Variants in AMPD2 observed in about 807,000 individuals in gnomAD.
The protein encoded by AMPD2 is adenosine monophosphate deaminase 2.
Under a neutral mutation model 91.3 loss-of-function variants are expected in AMPD2, and 52 were observed. That is an observed-to-expected ratio of 0.57 (90% CI 0.46 to 0.72). The LOEUF (loss-of-function observed/expected upper bound fraction) is 0.72. AMPD2 is among the 30% of genes least tolerant of loss of function. The pLI, the probability that AMPD2 is intolerant of heterozygous loss-of-function variation, is 0.00. For missense variants in AMPD2, 822 were observed against 1,122.3 expected (o/e 0.73, Z 3.82); for synonymous variants, 455 against 456.4 (o/e 1.00, Z 0.04).
intron 13 of AMPD2, 79 bp from the exon 14 acceptor site, chr1:109,629,030 G>A: frequency 6.3e-7 from 1 of 1,578,336 alleles, no homozygotes; most frequent in Non-Finnish European, 8.6e-7. Context: ...CTTGGGCCAA[G>A]CTCTGACCCT....
Position 109,629,169 on chromosome 1 carries a change from C to T in AMPD2, c.1632C>T (p.Phe544=). The part of the protein sequence containing the change: ...ANFQEMLENI[F]LPLFEATVHP... Reference sequence around the variant, plus strand: ...TCCAGGAGATGCTGGAGAACATCTTCCTGCCACTGTTCGAGGCCACTGTGC... The same window carrying T: ...TCCAGGAGATGCTGGAGAACATCTTTCTGCCACTGTTCGAGGCCACTGTGC... The change falls in exon 14 of 19, where the codon TTC becomes TTT. Residue 544 remains phenylalanine (F), a synonymous_variant. Coordinates refer to ENST00000528667, the MANE Select transcript of AMPD2 (RefSeq NM_001368809.2). The T allele has an allele frequency of 6.2e-7, 1 of 1,614,176 alleles. No homozygotes were observed. Among genetic ancestry groups the T allele is most frequent in the Non-Finnish European group, 8.5e-7 (1 of 1,180,040 alleles).
At chr1:109,621,439 T>TGGGGGGGTGGGGGGGGGGG in intron 2 of AMPD2, 173 bp downstream of exon 2, 1 of 121,628 alleles carries the variant, frequency 8.2e-6, no homozygotes, top group East Asian at 3.0e-4. Context: ...TGAGGGGTGG[T>TGGGGGGGTGGGGGGGGGGG]GGGGGGCGGG....
At position 109,625,520 on chromosome 1, in the gene AMPD2, C is replaced by T. The variant is rs779583754; in HGVS notation, c.222+87C>T. 67 of 1,601,958 alleles carry T rather than the reference C, an allele frequency of 4.2e-5. No individual in the cohort carries two copies. The highest frequency in any genetic ancestry group is 5.6e-5 in the Non-Finnish European group (66 of 1,172,504). ...CACCCCTCACCTCAAGCTGTCCCCT[C>T]ACCTCACGCTTGGCTGTCTCCTGAT... On this transcript the variant is annotated intron_variant, in intron 3 of 18. Transcript: ENST00000528667. This position sits in a 1 kb window ranked among gnomAD's most constrained non-coding sequence, Gnocchi z 4.0.
rs1650837078 is a variant in AMPD2, at chr1:109,627,867, G to A, written c.1044G>A (p.Lys348=). 6.2e-7 allele frequency: 1 copy of A among 1,613,858 alleles called. No individual in the cohort carries two copies. Residue 348 remains lysine (K), a synonymous_variant, in exon 10 of 19, where the codon AAG becomes AAA. Transcript: ENST00000528667. ...AGATGAAGGAGCTGGCCGCCCAGAA[G>A]AAAGTGCCACACCGAGATTTCTACA... The part of the protein sequence containing the change: ...LNEMKELAAQ[K]KVPHRDFYNI...
chr1:109,627,458 AC>A lies in AMPD2; in HGVS notation c.892del (p.Leu298CysfsTer11), dbSNP rs750503070. 6.2e-7 allele frequency: 1 copy of A among 1,613,960 alleles called. No homozygotes were observed. Among genetic ancestry groups the A allele is most frequent in the South Asian group, 1.1e-5 (1 of 91,074 alleles). ...TCAGAGGTGGAGCTGCCATACCCTG[AC>A]CTGCAGGAATTTGTGGCTGACGTCA... is the stretch of plus-strand genomic sequence containing the variant. ...HCSEVELPYP[D>X]LQEFVADVNV... On this transcript the variant is annotated frameshift_variant, in exon 9 of 19. Coordinates refer to ENST00000528667, the MANE Select transcript of AMPD2 (RefSeq NM_001368809.2). LOFTEE classifies it high-confidence loss of function.
Position 109,630,227 on chromosome 1 carries a change from G to C in AMPD2, c.1984-6G>C. On this transcript the variant is annotated splice_region_variant and splice_polypyrimidine_tract_variant and intron_variant, in intron 16 of 18. Transcript: ENST00000528667. ...GACAGGCCCTCCCTCCCTGTTGCCT[G>C]CCCAGGCCCCCGTCCTGCAGTACCT... 1 of 1,611,390 alleles carries C rather than the reference G, an allele frequency of 6.2e-7. No individual in the cohort carries two copies. Among genetic ancestry groups the C allele is most frequent in the Non-Finnish European group, 8.5e-7 (1 of 1,179,984 alleles).
At chr1:109,620,559 A>G in intron 1 of AMPD2, 1 of 1,258,536 alleles carries the variant, frequency 7.9e-7, no homozygotes, top group South Asian at 2.0e-5. Flanking sequence ...TTCCCGGGAC[A>G]GGCCCCTCCC....
At chr1:109,622,940 A>G (rs1650381067) in intron 2 of AMPD2, among the ~76,000 whole-genome samples, 2 of 152,098 alleles carry the variant, frequency 1.3e-5, no homozygotes, top group Admixed American at 1.3e-4. Flanking sequence ...TCTGGGGGTG[A>G]GACAGCTTCC....
intron 2 of AMPD2, among the ~76,000 whole-genome samples, chr1:109,621,833 C>T (rs1209050674): frequency 1.3e-5 from 2 of 152,340 alleles, no homozygotes; most frequent in East Asian, 1.9e-4. Context: ...TTGTGAGCCT[C>T]CTTAGGAGTA....
In AMPD2 at chr1:109,628,752, T is replaced by C. The variant is rs550211596; in HGVS notation, c.1517T>C (p.Met506Thr). 1.3e-6 allele frequency: 2 copies of C among 1,591,586 alleles called. No homozygotes were observed. The highest frequency in any genetic ancestry group is 1.8e-5 in the Admixed American group (1 of 56,698). The change falls in exon 13 of 19, where the codon ATG becomes ACG. Residue 506 changes from methionine to threonine, a missense_variant. Met to Thr is a moderately conservative substitution (Grantham distance 81, BLOSUM62 -1). Around this residue, in one of 5 missense-constraint regions of AMPD2, gnomAD observed 430 missense variants for 606.0 expected, o/e 0.71. Coordinates refer to ENST00000528667, the MANE Select transcript of AMPD2 (RefSeq NM_001368809.2). The surrounding 1 kb of genome is among the most constrained non-coding windows in gnomAD (Gnocchi z 7.1). ...EWDKLARWAV[M>T]HRVHSPNVRW... ...GACAAGCTGGCGCGCTGGGCCGTCA[T>C]GCACCGCGTGCACTCCCCCAACGTG...
rs1570582425 is a variant in AMPD2 at position 109,625,202 on chromosome 1, G to A, written c.92-101G>A. On this transcript the variant is annotated intron_variant, in intron 2 of 18. Coordinates refer to ENST00000528667, the MANE Select transcript of AMPD2 (RefSeq NM_001368809.2). This position sits in a 1 kb window ranked among gnomAD's most constrained non-coding sequence, Gnocchi z 4.0. ...CTGAGGAGGGACTGCCCTCTTTCCC[G>A]ACCCTGGGCTCTCTCGGGAGCTGGC... The A allele has an allele frequency of 1.1e-5, 16 of 1,506,070 alleles. No individual in the cohort carries two copies. The highest frequency in any genetic ancestry group is 4.1e-5 in the Admixed American group (2 of 48,702). 93.3% of individuals were successfully genotyped at this position (1,506,070 alleles called of 1,614,324 possible).
chr1:109,626,086 A>C, intron 4 of AMPD2, 74 bp from the exon 5 acceptor site: 10 of 1,441,090 alleles, frequency 6.9e-6, no homozygotes, highest in Non-Finnish European at 9.8e-6. Flanking sequence ...CACAGCACCT[A>C]GTGCGGTGCT....
chr1:109,621,436 T>TGGGGGGGGGGG, intron 2 of AMPD2, 170 bp downstream of exon 2: 1 of 122,440 alleles, frequency 8.2e-6, no homozygotes, highest in East Asian at 3.0e-4. Context: ...GGGTGAGGGG[T>TGGGGGGGGGGG]GGTGGGGGGC....
At position 109,627,418 on chromosome 1, in the gene AMPD2, C is replaced by T. The variant is rs368738130; in HGVS notation, c.861-11C>T. ...GCTTGCTCTCCTCACCCAAGCTCCC[C>T]TCCATGCCAGTTGCTCAGAGGTGGA... On this transcript the variant is annotated splice_polypyrimidine_tract_variant and intron_variant, in intron 8 of 18. Coordinates refer to ENST00000528667, the MANE Select transcript of AMPD2 (RefSeq NM_001368809.2). 12 of 1,613,986 alleles carry T rather than the reference C, an allele frequency of 7.4e-6. No homozygotes were observed. In the African/African-American group the frequency reaches 1.5e-4, roughly 20 times the overall value.
At position 109,621,269 on chromosome 1, in the gene AMPD2, GA is replaced by G; in HGVS notation, c.91+4del. On this transcript the variant is annotated splice_donor_region_variant and intron_variant, in intron 2 of 18. Transcript: ENST00000528667. ...GCAGGCCTCCACTGCAGCTCCAGGT[GA>G]GTGTGTGCTTCCTGGCCTCAGGATA... 1 of 1,612,454 alleles carries G rather than the reference GA, an allele frequency of 6.2e-7. No individual in the cohort carries two copies. The highest frequency in any genetic ancestry group is 8.5e-7 in the Non-Finnish European group (1 of 1,179,396).
chr1:109,621,132 G>A lies in AMPD2; in HGVS notation c.-44G>A. On this transcript the variant is annotated 5_prime_UTR_variant, in exon 2 of 19. Coordinates refer to ENST00000528667, the MANE Select transcript of AMPD2 (RefSeq NM_001368809.2). ...GATGTGGCAGAGCCAGGCCCCAGCC[G>A]GTGCCGCTCAGACTCCCCCGCTGTC... 18 of 1,598,500 alleles carry A rather than the reference G, an allele frequency of 1.1e-5. No homozygotes were observed. The highest frequency in any genetic ancestry group is 1.5e-5 in the Non-Finnish European group (17 of 1,172,344).
Position 109,629,281 on chromosome 1 carries a change from C to G in AMPD2, c.1698+46C>G, listed in dbSNP as rs368569237. The G allele has an allele frequency of 7.9e-5, 127 of 1,613,950 alleles. No individual in the cohort carries two copies. The African/African-American group carries it at 1.5e-3, about 19-fold the overall frequency. On this transcript the variant is annotated intron_variant, in intron 14 of 18. Transcript: ENST00000528667. Reference sequence around the variant, plus strand: ...TGGGTATGGGGAGGGCAGCCGGCTTCGCATCCAGCTGCAGCTCTGGTTCTG... The same window carrying G: ...TGGGTATGGGGAGGGCAGCCGGCTTGGCATCCAGCTGCAGCTCTGGTTCTG...
rs1650866334 is a variant in AMPD2, at chr1:109,628,076, A to G, written c.1081-7A>G. Reference sequence around the variant, plus strand: ...TGGTGGATCAGCAGTGCCCTGTTCCATTCCAGGTGGACACCCACATCCATG... The same window carrying G: ...TGGTGGATCAGCAGTGCCCTGTTCCGTTCCAGGTGGACACCCACATCCATG... On this transcript the variant is annotated splice_region_variant and splice_polypyrimidine_tract_variant and intron_variant, in intron 10 of 18. Coordinates refer to ENST00000528667, the MANE Select transcript of AMPD2 (RefSeq NM_001368809.2). The surrounding 1 kb of genome is among the most constrained non-coding windows in gnomAD (Gnocchi z 7.1). 6.2e-7 allele frequency: 1 copy of G among 1,612,350 alleles called. No homozygotes were observed. The highest frequency in any genetic ancestry group is 8.5e-7 in the Non-Finnish European group (1 of 1,179,088).
At position 109,625,736 on chromosome 1, in the gene AMPD2, T is replaced by C. The variant is rs769379663; in HGVS notation, c.297T>C (p.Ile99=). Reference sequence around the variant, plus strand: ...ATGAGTTCCCCGAGGAGAGCCCCATTGAACAGCTGGAGGAGCGGCGGCAGC... The same window carrying C: ...ATGAGTTCCCCGAGGAGAGCCCCATCGAACAGCTGGAGGAGCGGCGGCAGC... The part of the protein sequence containing the change: ...APYEFPEESP[I]EQLEERRQRL... Residue 99 remains isoleucine (I), a synonymous_variant, in exon 4 of 19, where the codon ATT becomes ATC. Coordinates refer to ENST00000528667, the MANE Select transcript of AMPD2 (RefSeq NM_001368809.2). This position sits in a 1 kb window ranked among gnomAD's most constrained non-coding sequence, Gnocchi z 4.0. 4 of 1,613,940 alleles carry C rather than the reference T, an allele frequency of 2.5e-6. No homozygotes were observed. The highest frequency in any genetic ancestry group is 3.3e-5 in the Admixed American group (2 of 60,012).
Sources: allele counts gnomAD v4.1 joint callset (sites outside exome capture counted in the v4.1 genomes callset), GRCh38; gene constraint gnomAD v4.1.1; regional missense constraint gnomAD v4.1.1; non-coding constraint Gnocchi (gnomAD v3.1); transcripts MANE v1.5; gene names NCBI Gene and HGNC (gene_info 2026-07-23, HGNC 2026-07-21).